The following ZP3 variants were observed in gnomAD, a reference collection of about 807,000 sequenced individuals.
ZP3 encodes zona pellucida glycoprotein 3, also known as zona pellucida sperm-binding protein 3.
ZP3 carries 21 observed loss-of-function variants against 35.6 expected under a neutral mutation model. That is an observed-to-expected ratio of 0.59 (90% CI 0.42 to 0.85). ZP3 has a LOEUF of 0.85. Ranked by LOEUF, ZP3 falls within the 40% of genes least tolerant of loss-of-function variation. The probability of loss-of-function intolerance (pLI) is 0.00; values close to 1 mark genes in which losing one functional copy is unlikely to be tolerated. For synonymous variants in ZP3, 207 were observed against 214.5 expected (o/e 0.96, Z 0.31); for missense variants, 437 against 536.5 (o/e 0.81, Z 1.83).
In ZP3 at chr7:76,400,308, C is replaced by T. The variant is rs367686256; in HGVS notation, c.-67+2511C>T. On this transcript the variant is annotated intron_variant, in intron 1 of 8. Transcript: ENST00000336517. ...CACCATCACACAGGACAGCCACATC[C>T]TCGTAGTGAAAGCAATTGTGGACGC... 3.3e-6 allele frequency: 5 copies of T among 1,501,566 alleles called. No homozygotes were observed. In the Admixed American group the frequency reaches 1.1e-4, roughly 34 times the overall value. The allele number at this position is 1,501,566 out of a possible 1,614,324, so 93.0% of individuals were successfully genotyped here.
At chr7:76,432,196 C>CT (rs71085413) in intron 2 of ZP3, among the ~76,000 whole-genome samples, 14,863 of 144,052 alleles carry the variant, frequency 0.1, 809 homozygotes, top group Middle Eastern at 0.17. Flanking sequence ...CTTTTCTTTT[C>CT]TTTTTTTTTT....
intron 5 of ZP3, among the ~76,000 whole-genome samples, chr7:76,436,137 C>T (rs1172426752): frequency 2.8e-5 from 4 of 140,358 alleles, no homozygotes; most frequent in African/African-American, 5.2e-5. Flanking sequence ...CTGCAACTTC[C>T]ACCTCCCAGG....
chr7:76,426,907 C>CACACACACACACACACACACACACACA (rs57796274), intron 1 of ZP3, among the ~76,000 whole-genome samples: 30 of 126,930 alleles, frequency 2.4e-4, no homozygotes, highest in Non-Finnish European at 3.6e-4. Context: ...CACACACACA[C>CACACACACACACACACACACACACACA]AATAGGGTGT....
chr7:76,397,976 G>A (rs936143410), intron 1 of ZP3: 1 of 836,520 alleles, frequency 1.2e-6, no homozygotes, highest in African/African-American at 1.7e-5. Flanking sequence ...CCTTGGTCCA[G>A]ACTGGGGGTA....
At chr7:76,435,445 A>G (rs1201826659) in intron 5 of ZP3, among the ~76,000 whole-genome samples, 1 of 152,260 alleles carries the variant, frequency 6.6e-6, no homozygotes, top group African/African-American at 2.4e-5. Flanking sequence ...GTGAGCCACC[A>G]TGCCCAGCCT....
chr7:76,432,485 CTT>C (rs1205716180), intron 2 of ZP3, among the ~76,000 whole-genome samples: 1 of 152,006 alleles, frequency 6.6e-6, no homozygotes. Context: ...TGCCTGGCCT[CTT>C]TTCTTTTTTA....
At chr7:76,420,232 T>C (rs753249385), upstream of ZP3, among the ~76,000 whole-genome samples, 1 of 150,118 alleles carries the variant, frequency 6.7e-6, no homozygotes, top group South Asian at 2.2e-4. Context: ...TGCCCAGCTG[T>C]TCCCAAACTC....
upstream of ZP3, among the ~76,000 whole-genome samples, chr7:76,424,409 A>G (rs1266851502): frequency 3.3e-5 from 5 of 152,190 alleles, no homozygotes; most frequent in African/African-American, 1.2e-4. Context: ...CAGGAGGATC[A>G]CTGGAGGTCA....
chr7:76,437,201 A>T (rs1445599920), intron 5 of ZP3, among the ~76,000 whole-genome samples: 1 of 112,360 alleles, frequency 8.9e-6, no homozygotes, highest in Non-Finnish European at 1.7e-5. Flanking sequence ...TTTTGGACAG[A>T]GTCTCGCTCT....
intron 1 of ZP3, chr7:76,397,952 C>G: frequency 9.5e-7 from 1 of 1,051,250 alleles, no homozygotes; most frequent in Non-Finnish European, 1.3e-6. Flanking sequence ...ACCCCGCTGC[C>G]CAGGGTACCG....
intron 5 of ZP3, among the ~76,000 whole-genome samples, chr7:76,435,949 C>T (rs1370845238): frequency 6.8e-6 from 1 of 147,700 alleles, no homozygotes; most frequent in Non-Finnish European, 1.5e-5. Flanking sequence ...TGGTCTTGAA[C>T]TCTTGACCTC....
At chr7:76,415,181 G>A (rs1805339497) in intron 1 of ZP3, among the ~76,000 whole-genome samples, 2 of 151,610 alleles carry the variant, frequency 1.3e-5, no homozygotes, top group Admixed American at 6.6e-5. Flanking sequence ...TTCAAGACCA[G>A]CCTGGCCAAC....
chr7:76,407,364 C>G (rs953665364), intron 1 of ZP3, among the ~76,000 whole-genome samples: 135 of 151,814 alleles, frequency 8.9e-4, no homozygotes, highest in African/African-American at 3.1e-3. Context: ...CAGAGTCTCG[C>G]CTTGTCGCCC....
At chr7:76,440,834 T>C (rs1394470785) in intron 7 of ZP3, among the ~76,000 whole-genome samples, 2 of 152,034 alleles carry the variant, frequency 1.3e-5, no homozygotes, top group African/African-American at 4.8e-5. Flanking sequence ...ATCCTAGGCT[T>C]CTACTGAGAC....
intron 1 of ZP3, among the ~76,000 whole-genome samples, chr7:76,406,078 C>T (rs576016572): frequency 1.2e-4 from 19 of 152,130 alleles, no homozygotes; most frequent in African/African-American, 4.3e-4. Context: ...CTCTGCCTCC[C>T]GGGTTCAAGC....
At chr7:76,420,435 T>C (rs1292332598), upstream of ZP3, among the ~76,000 whole-genome samples, 2 of 152,198 alleles carry the variant, frequency 1.3e-5, no homozygotes, top group African/African-American at 2.4e-5. Context: ...TGTTGGGATC[T>C]TGATAGAAAT....
rs867947410 is a variant in ZP3, at chr7:76,405,299, A to T, written c.-67+7502A>T. ...TATATATATATATATATATATATAT[A>T]TATATATATATATATATGTATTTTT... On this transcript the variant is annotated intron_variant, in intron 1 of 8. Transcript: ENST00000336517. Among the ~76,000 whole-genome samples, 69 of 47,978 alleles carry T rather than the reference A, an allele frequency of 1.4e-3. 3 individuals are homozygous for T. The highest frequency in any genetic ancestry group is 6.8e-3 in the African/African-American group (67 of 9,782). 31.5% of individuals were successfully genotyped at this position (47,978 alleles called of 152,430 possible).
At chr7:76,407,651 T>G (rs1181326264) in intron 1 of ZP3, among the ~76,000 whole-genome samples, 1 of 152,106 alleles carries the variant, frequency 6.6e-6, no homozygotes, top group Non-Finnish European at 1.5e-5. Context: ...GAGGATCACT[T>G]GAGCCCAGGA....
intron 1 of ZP3, chr7:76,404,433 T>C: frequency 6.2e-7 from 1 of 1,613,988 alleles, no homozygotes; most frequent in Non-Finnish European, 8.5e-7. Context: ...TCTGCTTCCT[T>C]GTGCATCTAG....
Sources: allele counts gnomAD v4.1 joint callset (sites outside exome capture counted in the v4.1 genomes callset), GRCh38; gene constraint gnomAD v4.1.1; transcripts MANE v1.5; gene names NCBI Gene and HGNC (gene_info 2026-07-23, HGNC 2026-07-21).